IMMP2L: variants seen among roughly 807,000 people sequenced by gnomAD.
IMMP2L encodes the protein mitochondrial inner membrane protease subunit 2.
Under a neutral mutation model 19.3 loss-of-function variants are expected in IMMP2L, and 18 were observed. That is an observed-to-expected ratio of 0.93 (90% CI 0.64 to 1.38). The LOEUF (loss-of-function observed/expected upper bound fraction) is 1.38, where lower values mean the gene tolerates loss of function less well. Among genes scored for constraint, IMMP2L ranks in the 40% most tolerant of loss-of-function variants. IMMP2L has a pLI of 0.00. For missense variants in IMMP2L, 233 were observed against 218.2 expected, an observed-to-expected ratio of 1.07 and a Z score of -0.43; for synonymous variants, 76 against 73.0, an observed-to-expected ratio of 1.04 and a Z score of -0.21.
At chr7:110,965,574 G>A (rs528058730) in intron 3 of IMMP2L, among the ~76,000 whole-genome samples, 2 of 151,948 alleles carry the variant, frequency 1.3e-5, no homozygotes, top group East Asian at 1.9e-4. Flanking sequence ...TGTCATTAAT[G>A]TACAGCTGAA....
At chr7:110,933,812 C>A (rs1815770039) in intron 4 of IMMP2L, among the ~76,000 whole-genome samples, 1 of 152,076 alleles carries the variant, frequency 6.6e-6, no homozygotes, top group Non-Finnish European at 1.5e-5. Flanking sequence ...ATGATGAAAA[C>A]AAACACAGAA....
chr7:111,411,589 C>T (rs963752579), intron 3 of IMMP2L: 2 of 311,148 alleles, frequency 6.4e-6, no homozygotes, highest in East Asian at 8.1e-5. Context: ...ATTTAGACAT[C>T]GAGGACTTCA....
rs538149080 is a variant in IMMP2L, at chr7:111,523,927, C to T, written c.-2-2478G>A. On this transcript the variant is annotated intron_variant, in intron 1 of 5. Transcript: ENST00000405709. ...AGTGAAACTAATTTCTCTTCAATGA[C>T]GTCTTTTGCCTAGAATCAAAACACC... Among the ~76,000 whole-genome samples, 16 of 152,188 alleles carry T rather than the reference C, an allele frequency of 1.1e-4. 1 individual carries two copies. The highest frequency in any genetic ancestry group is 2.1e-4 in the Non-Finnish European group (14 of 67,982).
chr7:111,527,710 T>C (rs552756729), intron 1 of IMMP2L, among the ~76,000 whole-genome samples: 1 of 152,218 alleles, frequency 6.6e-6, no homozygotes, highest in African/African-American at 2.4e-5. Context: ...TAAATATAGA[T>C]AAAGACCTGA....
chr7:111,175,260 T>C (rs530435204), intron 3 of IMMP2L, among the ~76,000 whole-genome samples: 13 of 151,860 alleles, frequency 8.6e-5, no homozygotes, highest in Non-Finnish European at 1.9e-4. Context: ...GTTTTCCCCA[T>C]CTTAGCTTAG....
At chr7:110,928,466 A>T in intron 4 of IMMP2L, among the ~76,000 whole-genome samples, 1 of 135,366 alleles carries the variant, frequency 7.4e-6, no homozygotes, top group Non-Finnish European at 1.5e-5. Context: ...AGAGGTTAGG[A>T]GAGAAAAACA....
At chr7:110,736,643 T>C (rs1218446232) in intron 5 of IMMP2L, among the ~76,000 whole-genome samples, 1 of 152,228 alleles carries the variant, frequency 6.6e-6, no homozygotes, top group Non-Finnish European at 1.5e-5. Flanking sequence ...TAATGTTCTT[T>C]GCCTTGGTGA....
chr7:111,325,239 T>G (rs1169125065), intron 3 of IMMP2L, among the ~76,000 whole-genome samples: 3 of 151,728 alleles, frequency 2.0e-5, no homozygotes, highest in Non-Finnish European at 4.4e-5. Flanking sequence ...TGTTTAACTT[T>G]TAATATAACA....
chr7:111,049,030 T>C (rs1408709560), intron 3 of IMMP2L, among the ~76,000 whole-genome samples: 3 of 151,936 alleles, frequency 2.0e-5, no homozygotes, highest in East Asian at 1.9e-4. Flanking sequence ...TTTTATCTGA[T>C]AGCCAAATAC....
At chr7:111,031,409 A>T (rs74525291) in intron 3 of IMMP2L, among the ~76,000 whole-genome samples, 3 of 24,482 alleles carry the variant, frequency 1.2e-4, no homozygotes, top group Non-Finnish European at 3.2e-4. Flanking sequence ...TGTGTGTGTG[A>T]GAGAAAGAGA....
At chr7:111,515,967 T>G (rs192085727) in intron 2 of IMMP2L, among the ~76,000 whole-genome samples, 4 of 152,196 alleles carry the variant, frequency 2.6e-5, no homozygotes, top group Non-Finnish European at 5.9e-5. Context: ...ACCAAAACAG[T>G]GACAAGGCAC....
chr7:111,218,079 C>T (rs1328059178), intron 3 of IMMP2L, among the ~76,000 whole-genome samples: 1 of 151,574 alleles, frequency 6.6e-6, no homozygotes, highest in East Asian at 1.9e-4. Flanking sequence ...AAATTTGAAT[C>T]CTAAGGAAAA....
At chr7:111,208,476 T>C (rs934848354) in intron 3 of IMMP2L, among the ~76,000 whole-genome samples, 1 of 152,220 alleles carries the variant, frequency 6.6e-6, no homozygotes, top group Non-Finnish European at 1.5e-5. Flanking sequence ...AATTATGCCC[T>C]GGCCCAGAGA....
At chr7:111,270,178 G>A (rs980679279) in intron 3 of IMMP2L, among the ~76,000 whole-genome samples, 1 of 151,776 alleles carries the variant, frequency 6.6e-6, no homozygotes, top group South Asian at 2.1e-4. Context: ...TGGGGGAAGA[G>A]AAAGCTGGCT....
intron 5 of IMMP2L, among the ~76,000 whole-genome samples, chr7:110,770,346 T>C (rs1798955346): frequency 1.3e-5 from 2 of 152,182 alleles, no homozygotes; most frequent in Admixed American, 1.3e-4. Context: ...TGGCACTCAT[T>C]AGTGAATTAC....
chr7:111,022,425 G>T (rs528043019), intron 3 of IMMP2L, among the ~76,000 whole-genome samples: 40 of 152,270 alleles, frequency 2.6e-4, no homozygotes, highest in African/African-American at 9.6e-4. Context: ...ACTCAGTGCT[G>T]CAAGTCAATC....
chr7:110,747,982 T>A, intron 5 of IMMP2L, among the ~76,000 whole-genome samples: 1 of 152,206 alleles, frequency 6.6e-6, no homozygotes, highest in Non-Finnish European at 1.5e-5. Flanking sequence ...ATGACATGAT[T>A]GTATATTCAG....
At chr7:110,787,181 A>T (rs567978123) in intron 5 of IMMP2L, among the ~76,000 whole-genome samples, 12 of 152,160 alleles carry the variant, frequency 7.9e-5, no homozygotes, top group African/African-American at 2.6e-4. Flanking sequence ...TTATTTGAGA[A>T]TCTGAAAGTG....
chr7:110,686,016 AT>A (rs1793084664), intron 5 of IMMP2L, among the ~76,000 whole-genome samples: 1 of 152,144 alleles, frequency 6.6e-6, no homozygotes, highest in Non-Finnish European at 1.5e-5. Flanking sequence ...TCCTAGCAAA[AT>A]AACACTGCAT....
Sources: allele counts gnomAD v4.1 joint callset (sites outside exome capture counted in the v4.1 genomes callset), GRCh38; gene constraint gnomAD v4.1.1; transcripts MANE v1.5; gene names NCBI Gene and HGNC (gene_info 2026-07-23, HGNC 2026-07-21).